Variants in JPH4 observed in about 807,000 individuals in gnomAD.
JPH4 encodes the protein junctophilin 4, also known as junctophilin-4.
JPH4 carries 18 observed loss-of-function variants against 57.6 expected under a neutral mutation model. The observed-to-expected ratio is 0.31, with a 90% CI of 0.22 to 0.46. JPH4 has a LOEUF of 0.46. JPH4 is among the 20% of genes least tolerant of loss of function. The pLI, the probability that JPH4 is intolerant of heterozygous loss-of-function variation, is 1.00. For synonymous variants in JPH4, 425 were observed against 406.6 expected (o/e 1.05, Z -0.54); for missense variants, 727 against 911.1 (o/e 0.80, Z 2.60).
chr14:23,571,949 A>C lies in JPH4; in HGVS notation c.1152-29T>G. 1 of 1,597,404 alleles carries C rather than the reference A, an allele frequency of 6.3e-7. No individual in the cohort carries two copies. The highest frequency in any genetic ancestry group is 8.5e-7 in the Non-Finnish European group (1 of 1,170,792). ...TCGGGTCCAGAGACAGGGATTTAGCAGAACTTCCCCCACTTCAAGTTAGTC... is the reference window on the plus strand; with the variant it reads ...TCGGGTCCAGAGACAGGGATTTAGCCGAACTTCCCCCACTTCAAGTTAGTC... On this transcript the variant is annotated intron_variant, in intron 3 of 5. Transcript: ENST00000356300. This position sits in a 1 kb window ranked among gnomAD's most constrained non-coding sequence, Gnocchi z 4.6.
chr14:23,577,598 G>A lies in JPH4; in HGVS notation c.-145C>T, dbSNP rs1889307253. On this transcript the variant is annotated 5_prime_UTR_variant, in exon 2 of 6. Transcript: ENST00000356300. This position sits in a 1 kb window ranked among gnomAD's most constrained non-coding sequence, Gnocchi z 8.4. ...GGCGGGGGGGCCCCAGCGAGGGCAG[G>A]CAGGGCCGGACCCTCATCCTGAGTG... is the stretch of plus-strand genomic sequence containing the variant. 6 of 581,148 alleles carry A rather than the reference G, an allele frequency of 1.0e-5. No individual in the cohort carries two copies. Among genetic ancestry groups the A allele is most frequent in the African/African-American group, 2.0e-5 (1 of 50,786 alleles). The allele number at this position is 581,148 out of a possible 1,614,324, so 36.0% of individuals were successfully genotyped here. A position where few individuals can be genotyped will look rare whatever the true frequency, so the allele number is the denominator to read the frequency against.
chr14:23,574,471 C>T (rs1369319969), intron 3 of JPH4, among the ~76,000 whole-genome samples: 1 of 152,192 alleles, frequency 6.6e-6, no homozygotes, highest in Non-Finnish European at 1.5e-5. Flanking sequence ...CGTGCCCGGC[C>T]TTCTTTCAGA....
rs941100688 is a variant in JPH4, at chr14:23,577,862, C to T, written c.-171-238G>A. 1 of 160,476 alleles carries T rather than the reference C, an allele frequency of 6.2e-6. No homozygotes were observed. Among genetic ancestry groups the T allele is most frequent in the Admixed American group, 6.5e-5 (1 of 15,468 alleles). The allele number at this position is 160,476 out of a possible 1,614,324, so 9.9% of individuals were successfully genotyped here. A position where few individuals can be genotyped will look rare whatever the true frequency, so the allele number is the denominator to read the frequency against. On this transcript the variant is annotated intron_variant, in intron 1 of 5. Coordinates refer to ENST00000356300, the MANE Select transcript of JPH4 (RefSeq NM_001146028.2). The surrounding 1 kb of genome is among the most constrained non-coding windows in gnomAD (Gnocchi z 8.4). ...CCAACCCCAAGCGGGAGTCCCAATT[C>T]TCCAACCTAGAACCCCGAAGTGTCG...
At position 23,576,493 on chromosome 14, in the gene JPH4, C is replaced by T; in HGVS notation, c.380-37G>A. 7.3e-7 allele frequency: 1 copy of T among 1,369,436 alleles called. No individual in the cohort carries two copies. Among genetic ancestry groups the T allele is most frequent in the South Asian group, 1.7e-5 (1 of 57,704 alleles). The allele number at this position is 1,369,436 out of a possible 1,614,324, so 84.8% of individuals were successfully genotyped here. A position where few individuals can be genotyped will look rare whatever the true frequency, so the allele number is the denominator to read the frequency against. ...GGAGGGGTGGGAGAAAGAGTCAGGA[C>T]GTGCCGCTGGGCTCCTTGCGCCCCA... On this transcript the variant is annotated intron_variant, in intron 2 of 5. Coordinates refer to ENST00000356300, the MANE Select transcript of JPH4 (RefSeq NM_001146028.2). This position sits in a 1 kb window ranked among gnomAD's most constrained non-coding sequence, Gnocchi z 8.0.
Position 23,576,248 on chromosome 14 carries a change from C to A in JPH4, c.588G>T (p.Val196=). 7.9e-7 allele frequency: 1 copy of A among 1,270,752 alleles called. No homozygotes were observed. The highest frequency in any genetic ancestry group is 2.8e-5 in the South Asian group (1 of 35,760). The allele number at this position is 1,270,752 out of a possible 1,614,324, so 78.7% of individuals were successfully genotyped here. A position where few individuals can be genotyped will look rare whatever the true frequency, so the allele number is the denominator to read the frequency against. The change falls in exon 3 of 6, where the codon GTG becomes GTT. Residue 196 remains valine (V), a synonymous_variant. Transcript: ENST00000356300. The surrounding 1 kb of genome is among the most constrained non-coding windows in gnomAD (Gnocchi z 8.0). The part of the protein sequence containing the change: ...SPASGSRGGF[V]LAGPGDADGA... ...CGTCGGCGTCCCCGGGCCCGGCCAG[C>A]ACGAAGCCGCCCCGGGAGCCCGAGG...
Position 23,577,174 on chromosome 14 carries a change from G to A in JPH4, c.280C>T (p.Arg94Cys). ...RGEWLGGLKG[R>C]SGVWESVSGL... Reference sequence around the variant, plus strand: ...GACACGCTTTCCCACACGCCGCTGCGCCCCTTCAGCCCGCCCAGCCACTCG... The same window carrying A: ...GACACGCTTTCCCACACGCCGCTGCACCCCTTCAGCCCGCCCAGCCACTCG... Residue 94 changes from arginine to cysteine, a missense_variant, in exon 2 of 6, where the codon CGC becomes TGC. Physicochemically the swap from Arg to Cys is radical, Grantham distance 180. This residue lies in a region of JPH4 where 90 missense variants were observed against 88.1 expected (regional missense o/e 1.02). Coordinates refer to ENST00000356300, the MANE Select transcript of JPH4 (RefSeq NM_001146028.2). This position sits in a 1 kb window ranked among gnomAD's most constrained non-coding sequence, Gnocchi z 8.4. 1 of 1,535,768 alleles carries A rather than the reference G, an allele frequency of 6.5e-7. No homozygotes were observed. Among genetic ancestry groups the A allele is most frequent in the South Asian group, 1.2e-5 (1 of 83,726 alleles).
In JPH4 at chr14:23,576,017, G is replaced by A. The variant is rs1243501396; in HGVS notation, c.819C>T (p.Leu273=). 5 of 1,386,644 alleles carry A rather than the reference G, an allele frequency of 3.6e-6. No homozygotes were observed. Among genetic ancestry groups the A allele is most frequent in the African/African-American group, 3.0e-5 (2 of 66,208 alleles). The allele number at this position is 1,386,644 out of a possible 1,614,324, so 85.9% of individuals were successfully genotyped here. The change falls in exon 3 of 6, where the codon CTC becomes CTT. Residue 273 remains leucine (L), a synonymous_variant. Transcript: ENST00000356300. This position sits in a 1 kb window ranked among gnomAD's most constrained non-coding sequence, Gnocchi z 8.0. ...ACACCTCTGTGGCCGAGCCCTCGAT[G>A]AGGGCGGGCGGCGCTGCGGCCGGGG... ...SGPPAAAPPA[L]IEGSATEVYA... is the part of the protein sequence containing the mutation.
chr14:23,572,734 T>A, intron 3 of JPH4: 1 of 612,030 alleles, frequency 1.6e-6, no homozygotes, highest in Non-Finnish European at 2.9e-6. Context: ...TCGGTAATGA[T>A]CCCATCCCCT....
chr14:23,575,707 G>A lies in JPH4; in HGVS notation c.1129C>T (p.Arg377Cys). Reference protein sequence around the residue: ...ARRAVSAARQRQEIAAARAAD... With the variant: ...ARRAVSAARQCQEIAAARAAD... ...CACCTGGCAGCGGCGATCTCCTGGCGCTGACGGGCAGCACTCACGGCTCGA... is the reference window on the plus strand; with the variant it reads ...CACCTGGCAGCGGCGATCTCCTGGCACTGACGGGCAGCACTCACGGCTCGA... The change falls in exon 3 of 6, where the codon CGC becomes TGC. Residue 377 changes from arginine to cysteine, a missense_variant. Around this residue, in one of 7 missense-constraint regions of JPH4, gnomAD observed 112 missense variants for 199.4 expected, o/e 0.56. Coordinates refer to ENST00000356300, the MANE Select transcript of JPH4 (RefSeq NM_001146028.2). The surrounding 1 kb of genome is among the most constrained non-coding windows in gnomAD (Gnocchi z 6.9). 2 of 1,606,134 alleles carry A rather than the reference G, an allele frequency of 1.2e-6. No individual in the cohort carries two copies. Among genetic ancestry groups the A allele is most frequent in the Non-Finnish European group, 1.7e-6 (2 of 1,177,386 alleles).
At chr14:23,574,313 T>C (rs1482239400) in intron 3 of JPH4, among the ~76,000 whole-genome samples, 1 of 152,072 alleles carries the variant, frequency 6.6e-6, no homozygotes, top group Non-Finnish European at 1.5e-5. Context: ...TAGCTGGGAT[T>C]ACAGGAACCT....
Position 23,569,062 on chromosome 14 carries a change from A to T in JPH4, c.*572T>A. The T allele has an allele frequency of 6.2e-6, 1 of 160,690 alleles. No homozygotes were observed. Among genetic ancestry groups the T allele is most frequent in the Non-Finnish European group, 1.4e-5 (1 of 72,748 alleles). The allele number at this position is 160,690 out of a possible 1,614,324, so 10.0% of individuals were successfully genotyped here. On this transcript the variant is annotated 3_prime_UTR_variant, in exon 6 of 6. Transcript: ENST00000356300. The surrounding 1 kb of genome is among the most constrained non-coding windows in gnomAD (Gnocchi z 4.8). ...CAGCTCAGTGCTTGGAGGTAAGATA[A>T]TAGCCTCCAAGATTAGAGGTGGAGG...
At position 23,571,883 on chromosome 14, in the gene JPH4, T is replaced by G; in HGVS notation, c.1189A>C (p.Ser397Arg). The change falls in exon 4 of 6, where the codon AGT (serine) becomes CGT (arginine). Residue 397 changes from serine (S) to arginine (R), a missense_variant. Physicochemically the swap from Ser to Arg is moderately radical, Grantham distance 110 (BLOSUM62 -1). Coordinates refer to ENST00000356300, the MANE Select transcript of JPH4 (RefSeq NM_001146028.2). The surrounding 1 kb of genome is among the most constrained non-coding windows in gnomAD (Gnocchi z 4.6). The part of the protein sequence containing the change: ...DALLKAVAAS[S>R]VAEKAVEAAR... ...GCCTCCACGGCCTTCTCAGCGACAC[T>G]GCTGGCTGCCACTGCCTTTAGGAGG... 1 of 1,612,938 alleles carries G rather than the reference T, an allele frequency of 6.2e-7. No individual in the cohort carries two copies. Among genetic ancestry groups the G allele is most frequent in the Non-Finnish European group, 8.5e-7 (1 of 1,179,910 alleles).
At chr14:23,572,027 C>G in intron 3 of JPH4, 107 bp from the exon 4 acceptor site, 1 of 957,524 alleles carries the variant, frequency 1.0e-6, no homozygotes, top group Non-Finnish European at 1.6e-6. Context: ...ATCACATCCT[C>G]CTCTCCTCTG....
intron 3 of JPH4, 128 bp from the exon 4 acceptor site, chr14:23,572,048 C>T (rs769309978): frequency 2.1e-5 from 17 of 799,360 alleles, no homozygotes; most frequent in Admixed American, 4.5e-5. Context: ...GAGTCGTCAC[C>T]CTTCGCCACA....
At position 23,569,707 on chromosome 14, in the gene JPH4, T is replaced by C; in HGVS notation, c.1814A>G (p.Asn605Ser). Residue 605 changes from asparagine to serine, a missense_variant, in exon 6 of 6, where the codon AAC becomes AGC. By Grantham distance (46) the Asn-to-Ser change is conservative. Coordinates refer to ENST00000356300, the MANE Select transcript of JPH4 (RefSeq NM_001146028.2). This position sits in a 1 kb window ranked among gnomAD's most constrained non-coding sequence, Gnocchi z 4.8. ...TERPAQPGAANPLVVGAVALL... is the reference protein window; with the variant it reads ...TERPAQPGAASPLVVGAVALL... ...GGCCACGGCTCCCACCACCAGGGGGTTGGCAGCTCCCTAGAGAGACAGAGG... is the reference window on the plus strand; with the variant it reads ...GGCCACGGCTCCCACCACCAGGGGGCTGGCAGCTCCCTAGAGAGACAGAGG... 1 of 1,549,392 alleles carries C rather than the reference T, an allele frequency of 6.5e-7. No homozygotes were observed. The highest frequency in any genetic ancestry group is 8.7e-7 in the Non-Finnish European group (1 of 1,146,308).
Position 23,576,560 on chromosome 14 carries a change from G to C in JPH4, c.380-104C>G, listed in dbSNP as rs1595396155. On this transcript the variant is annotated intron_variant, in intron 2 of 5. Coordinates refer to ENST00000356300, the MANE Select transcript of JPH4 (RefSeq NM_001146028.2). The surrounding 1 kb of genome is among the most constrained non-coding windows in gnomAD (Gnocchi z 8.0). ...GGAAGCCCAAGCGTCAGGCGGGAGA[G>C]ATGGAGGCAGTTAGTGTGGAGGTCG... 2 of 992,166 alleles carry C rather than the reference G, an allele frequency of 2.0e-6. No individual in the cohort carries two copies. The highest frequency in any genetic ancestry group is 6.5e-5 in the East Asian group (2 of 30,580). 61.5% of individuals were successfully genotyped at this position (992,166 alleles called of 1,614,324 possible).
chr14:23,575,572 A>G lies in JPH4; in HGVS notation c.1151+113T>C. 7.2e-7 allele frequency: 1 copy of G among 1,386,934 alleles called. No individual in the cohort carries two copies. The highest frequency in any genetic ancestry group is 9.8e-7 in the Non-Finnish European group (1 of 1,023,364). 85.9% of individuals were successfully genotyped at this position (1,386,934 alleles called of 1,614,324 possible). The stretch of plus-strand genomic sequence containing the variant: ...CCAACTGCCTGGCCTTAGGCTTGCA[A>G]TAGCAGGCCCTAGGCCTTGGGCCTT... On this transcript the variant is annotated intron_variant, in intron 3 of 5. Coordinates refer to ENST00000356300, the MANE Select transcript of JPH4 (RefSeq NM_001146028.2). This position sits in a 1 kb window ranked among gnomAD's most constrained non-coding sequence, Gnocchi z 6.9.
At chr14:23,572,130 G>A (rs1449167738) in intron 3 of JPH4, among the ~76,000 whole-genome samples, 1 of 152,088 alleles carries the variant, frequency 6.6e-6, no homozygotes, top group Non-Finnish European at 1.5e-5. Flanking sequence ...GACCTGGGCT[G>A]TGTTTGCCAC....
intron 3 of JPH4, among the ~76,000 whole-genome samples, chr14:23,572,464 T>C (rs978010645): frequency 6.6e-6 from 1 of 151,734 alleles, no homozygotes; most frequent in African/African-American, 2.4e-5. Flanking sequence ...GCTTCGCCCC[T>C]GCCCCGCCCC....
Sources: allele counts gnomAD v4.1 joint callset (sites outside exome capture counted in the v4.1 genomes callset), GRCh38; gene constraint gnomAD v4.1.1; regional missense constraint gnomAD v4.1.1; non-coding constraint Gnocchi (gnomAD v3.1); transcripts MANE v1.5; gene names NCBI Gene and HGNC (gene_info 2026-07-23, HGNC 2026-07-21).